Variants in AGMO observed in about 807,000 individuals in gnomAD.
The protein encoded by AGMO is alkylglycerol monooxygenase.
AGMO carries 75 observed loss-of-function variants against 60.2 expected under a neutral mutation model. That is an observed-to-expected ratio of 1.25 (90% CI 1.03 to 1.51). AGMO has a LOEUF of 1.51. AGMO is among the 40% of genes most tolerant of loss of function. AGMO has a pLI of 0.00. For missense variants in AGMO, 763 were observed against 525.5 expected (o/e 1.45, Z -4.42); for synonymous variants, 261 against 177.1 (o/e 1.47, Z -3.76).
chr7:15,444,737 C>T (rs1439788065), intron 3 of AGMO, among the ~76,000 whole-genome samples: 1 of 152,158 alleles, frequency 6.6e-6, no homozygotes. Context: ...GTTGTCCTAT[C>T]ACCTACAATG....
chr7:15,219,109 C>G (rs1216380377), intron 12 of AGMO, among the ~76,000 whole-genome samples: 1 of 152,088 alleles, frequency 6.6e-6, no homozygotes, highest in Non-Finnish European at 1.5e-5. Context: ...ATTATCTACA[C>G]AATGTTCATT....
At chr7:15,442,014 G>A (rs1411946066) in intron 3 of AGMO, among the ~76,000 whole-genome samples, 1 of 148,356 alleles carries the variant, frequency 6.7e-6, no homozygotes. Context: ...ACTTTAGAAC[G>A]TCATAGCAAA....
At chr7:15,129,039 G>A in the AGMO span, among the ~76,000 whole-genome samples, 1 of 152,050 alleles carries the variant, frequency 6.6e-6, no homozygotes, top group South Asian at 2.1e-4. Flanking sequence ...TACTAGAAGT[G>A]GGGCATCCTA....
At chr7:15,333,857 A>C (rs1347613606) in intron 12 of AGMO, among the ~76,000 whole-genome samples, 1 of 152,066 alleles carries the variant, frequency 6.6e-6, no homozygotes, top group Non-Finnish European at 1.5e-5. Context: ...CTTTCATAGT[A>C]TCCCAATTCC....
At chr7:15,537,785 A>C (rs1040818716) in intron 3 of AGMO, among the ~76,000 whole-genome samples, 2 of 152,144 alleles carry the variant, frequency 1.3e-5, no homozygotes, top group Non-Finnish European at 2.9e-5. Flanking sequence ...TCAGAACACC[A>C]AAGCAAAGTT....
intron 3 of AGMO, among the ~76,000 whole-genome samples, chr7:15,483,125 T>A (rs182450122): frequency 6.6e-6 from 1 of 152,178 alleles, no homozygotes; most frequent in Non-Finnish European, 1.5e-5. Context: ...GACATTAGAA[T>A]TATGTATTTA....
chr7:15,454,449 T>C (rs918499224), intron 3 of AGMO, among the ~76,000 whole-genome samples: 5 of 152,068 alleles, frequency 3.3e-5, no homozygotes, highest in Admixed American at 3.3e-4. Context: ...TTGACTGTAG[T>C]AATCAGTTCA....
rs537937088 is a variant in AGMO at position 15,458,622 on chromosome 7, A to G, written c.410-27514T>C. Among the ~76,000 whole-genome samples, 12 of 152,326 alleles carry G rather than the reference A, an allele frequency of 7.9e-5. No homozygotes were observed. The East Asian group carries it at 1.5e-3, about 20-fold the overall frequency. On this transcript the variant is annotated intron_variant, in intron 3 of 12. Transcript: ENST00000342526. Reference sequence around the variant, plus strand: ...GACAGTATTAAACAGAAGTCTGCACATTATCTTGGATTTTTATGGCTCTCT... The same window carrying G: ...GACAGTATTAAACAGAAGTCTGCACGTTATCTTGGATTTTTATGGCTCTCT...
At chr7:15,150,454 T>C in the AGMO span, among the ~76,000 whole-genome samples, 2 of 152,080 alleles carry the variant, frequency 1.3e-5, no homozygotes, top group Non-Finnish European at 2.9e-5. Context: ...CATAGATGGC[T>C]CTTATTATTT....
In AGMO at chr7:15,457,943, T is replaced by C. The variant is rs556381353; in HGVS notation, c.410-26835A>G. Among the ~76,000 whole-genome samples, 10 of 152,242 alleles carry C rather than the reference T, an allele frequency of 6.6e-5. No individual in the cohort carries two copies. The South Asian group carries it at 1.9e-3, about 28-fold the overall frequency. Reference sequence around the variant, plus strand: ...GACATTCCAATTATAAATTATATGATGAAATAAAATGGGGGTAAATTTGCA... The same window carrying C: ...GACATTCCAATTATAAATTATATGACGAAATAAAATGGGGGTAAATTTGCA... On this transcript the variant is annotated intron_variant, in intron 3 of 12. Coordinates refer to ENST00000342526, the MANE Select transcript of AGMO (RefSeq NM_001004320.2).
chr7:15,269,175 TATA>T (rs1043294246), intron 12 of AGMO, among the ~76,000 whole-genome samples: 17 of 152,086 alleles, frequency 1.1e-4, no homozygotes, highest in Non-Finnish European at 2.4e-4. Context: ...AAACTGTATT[TATA>T]ATAATAGGCC....
chr7:15,558,108 C>T (rs1162757961), intron 2 of AGMO, among the ~76,000 whole-genome samples: 3 of 150,246 alleles, frequency 2.0e-5, no homozygotes, highest in Non-Finnish European at 3.0e-5. Flanking sequence ...AACTCTGTAC[C>T]TTTTTAAAAT....
chr7:15,218,300 T>C (rs900632094), intron 12 of AGMO, among the ~76,000 whole-genome samples: 1 of 150,762 alleles, frequency 6.6e-6, no homozygotes, highest in African/African-American at 2.4e-5. Context: ...TGAGAGACAT[T>C]AATACTATAT....
intron 12 of AGMO, among the ~76,000 whole-genome samples, chr7:15,354,501 T>C (rs1258814053): frequency 5.4e-5 from 1 of 18,618 alleles, no homozygotes; most frequent in East Asian, 6.8e-3. Flanking sequence ...CACGTGTATA[T>C]ATATATATAT....
At chr7:15,342,174 A>T (rs898288027) in intron 12 of AGMO, among the ~76,000 whole-genome samples, 2 of 126,070 alleles carry the variant, frequency 1.6e-5, no homozygotes, top group African/African-American at 6.7e-5. Context: ...CACAGAGTTA[A>T]AAAAAAAAAA....
chr7:15,431,933 G>C (rs1781252125), intron 3 of AGMO, among the ~76,000 whole-genome samples: 1 of 151,636 alleles, frequency 6.6e-6, no homozygotes, highest in Non-Finnish European at 1.5e-5. Flanking sequence ...ACACAGAATA[G>C]CCCAAGTCAT....
intron 12 of AGMO, among the ~76,000 whole-genome samples, chr7:15,302,945 G>T (rs1273455875): frequency 2.0e-5 from 3 of 152,100 alleles, no homozygotes; most frequent in Non-Finnish European, 4.4e-5. Context: ...CTATATATTT[G>T]TAATCAGTAC....
chr7:15,475,375 G>T (rs1583591143), intron 3 of AGMO, among the ~76,000 whole-genome samples: 1 of 152,222 alleles, frequency 6.6e-6, no homozygotes, highest in East Asian at 1.9e-4. Context: ...AAAAGGATGA[G>T]TTCATGTTCT....
At position 15,201,073 on chromosome 7, in the gene AGMO, T is replaced by C; in HGVS notation, c.*212A>G. 2.7e-6 allele frequency: 1 copy of C among 375,756 alleles called. No individual in the cohort carries two copies. The highest frequency in any genetic ancestry group is 4.7e-6 in the Non-Finnish European group (1 of 211,570). The allele number at this position is 375,756 out of a possible 1,614,324, so 23.3% of individuals were successfully genotyped here. ...CATTATATTTGAAATCTTTTTTTAA[T>C]TGTAGTAAAGGGGGGAAGTAACCAA... On this transcript the variant is annotated 3_prime_UTR_variant, in exon 13 of 13. Transcript: ENST00000342526.
Sources: gnomAD v4.1 joint callset for allele counts (sites outside exome capture counted in the v4.1 genomes callset) on GRCh38, gnomAD v4.1.1 for gene constraint, MANE v1.5 for transcripts, NCBI Gene and HGNC (gene_info 2026-07-23, HGNC 2026-07-21) for gene names.